Variants in C10orf143 observed in about 807,000 individuals in gnomAD.
The protein encoded by C10orf143 is uncharacterized protein C10orf143.
chr10:130,048,776 C>T (rs1014409550), intron 3 of C10orf143, among the ~76,000 whole-genome samples: 1 of 152,148 alleles, frequency 6.6e-6, no homozygotes, highest in Non-Finnish European at 1.5e-5. Flanking sequence ...AACCATGGCT[C>T]ACTGTCATCT....
chr10:130,046,785 T>A (rs1860679922), intron 3 of C10orf143, among the ~76,000 whole-genome samples: 1 of 152,060 alleles, frequency 6.6e-6, no homozygotes, highest in African/African-American at 2.4e-5. Context: ...CACGCGGAGG[T>A]TCATTTAATC....
chr10:130,054,268 ACAGT>A, intron 3 of C10orf143, among the ~76,000 whole-genome samples: 1 of 152,266 alleles, frequency 6.6e-6, no homozygotes, highest in East Asian at 1.9e-4. Flanking sequence ...AGTGAATCAC[ACAGT>A]ATGTTTTTTC....
chr10:130,099,557 GAC>G (rs915650270), intron 1 of C10orf143, among the ~76,000 whole-genome samples: 2 of 147,672 alleles, frequency 1.4e-5, no homozygotes, highest in South Asian at 2.1e-4. Context: ...TTTATTTTGA[GAC>G]ACAGTCTCAC....
chr10:130,086,466 T>C (rs1462658502), intron 1 of C10orf143, among the ~76,000 whole-genome samples: 1 of 152,254 alleles, frequency 6.6e-6, no homozygotes, highest in Non-Finnish European at 1.5e-5. Flanking sequence ...CTTAGGACTT[T>C]TGCAAATAAT....
intron 3 of C10orf143, among the ~76,000 whole-genome samples, chr10:130,039,246 A>T (rs1437985560): frequency 6.6e-6 from 1 of 152,164 alleles, no homozygotes; most frequent in Non-Finnish European, 1.5e-5. Context: ...ATGATTTCTT[A>T]TGGGGTCGGC....
chr10:130,037,087 T>C lies in C10orf143; in HGVS notation c.298-1117A>G, dbSNP rs572955044. On this transcript the variant is annotated intron_variant and NMD_transcript_variant, in intron 3 of 5. Transcript: ENST00000643056. ...CAGAATTGGACTATTTTGGAAAGCT[T>C]GGCCTCAATGGCATTTTAAAGTGCA... Among the ~76,000 whole-genome samples, 7 of 152,224 alleles carry C rather than the reference T, an allele frequency of 4.6e-5. No homozygotes were observed. The East Asian group carries it at 1.2e-3, about 25-fold the overall frequency.
chr10:130,098,182 G>A (rs2134801182), intron 1 of C10orf143, among the ~76,000 whole-genome samples: 1 of 152,170 alleles, frequency 6.6e-6, no homozygotes, highest in Non-Finnish European at 1.5e-5. Context: ...AATCAGCTGG[G>A]CATGGTGGCA....
chr10:130,097,025 A>T (rs553906030), intron 1 of C10orf143, among the ~76,000 whole-genome samples: 20 of 150,326 alleles, frequency 1.3e-4, no homozygotes, highest in African/African-American at 4.6e-4. Context: ...CAGTGGCGTG[A>T]TCTCAGCTCA....
chr10:130,055,329 G>A (rs1298501024), intron 3 of C10orf143, among the ~76,000 whole-genome samples: 1 of 152,132 alleles, frequency 6.6e-6, no homozygotes, highest in Non-Finnish European at 1.5e-5. Context: ...CCTACAGAAT[G>A]GGAGAAAATA....
At chr10:130,043,450 T>TG (rs1860629935) in intron 3 of C10orf143, among the ~76,000 whole-genome samples, 1 of 152,120 alleles carries the variant, frequency 6.6e-6, no homozygotes, top group Non-Finnish European at 1.5e-5. Context: ...GACGGGCAGG[T>TG]GGGAAAAAGC....
chr10:130,077,162 G>A (rs1001663298), intron 3 of C10orf143, among the ~76,000 whole-genome samples: 5 of 152,100 alleles, frequency 3.3e-5, no homozygotes, highest in African/African-American at 7.2e-5. Context: ...GCCAGAATGA[G>A]TCAACAGAAA....
chr10:130,062,754 A>T (rs1860870481), downstream of C10orf143, among the ~76,000 whole-genome samples: 1 of 152,052 alleles, frequency 6.6e-6, no homozygotes, highest in Non-Finnish European at 1.5e-5. Flanking sequence ...TCACATATAC[A>T]CTTATCCTAT....
intron 1 of C10orf143, chr10:130,108,162 C>T (rs1242181985): frequency 1.9e-6 from 3 of 1,577,100 alleles, no homozygotes; most frequent in East Asian, 2.2e-5. Flanking sequence ...CCAGTGGATA[C>T]AAGGGGCCCG....
chr10:130,057,856 T>G (rs1380986454), intron 3 of C10orf143, among the ~76,000 whole-genome samples: 1 of 152,220 alleles, frequency 6.6e-6, no homozygotes, highest in Non-Finnish European at 1.5e-5. Context: ...CTGTTGTTAT[T>G]CTCATTTCAG....
intron 1 of C10orf143, among the ~76,000 whole-genome samples, chr10:130,091,240 G>A (rs1308876033): frequency 6.6e-6 from 1 of 152,180 alleles, no homozygotes; most frequent in South Asian, 2.1e-4. Context: ...AGCAATCTTT[G>A]GTGTTCTGCA....
chr10:130,076,684 C>G (rs770924457), intron 3 of C10orf143, among the ~76,000 whole-genome samples: 1 of 152,146 alleles, frequency 6.6e-6, no homozygotes, highest in Non-Finnish European at 1.5e-5. Context: ...TTTTGGAGAC[C>G]TCTGGCAGAC....
At chr10:130,069,858 CTT>C (rs35594121) in intron 3 of C10orf143, among the ~76,000 whole-genome samples, 3 of 150,036 alleles carry the variant, frequency 2.0e-5, no homozygotes, top group Admixed American at 6.6e-5. Flanking sequence ...TCCATTGTTT[CTT>C]TTTTTTTTTC....
intron 1 of C10orf143, among the ~76,000 whole-genome samples, chr10:130,090,679 G>A (rs1327292376): frequency 6.6e-6 from 1 of 152,138 alleles, no homozygotes; most frequent in Non-Finnish European, 1.5e-5. Flanking sequence ...AATTCTCACT[G>A]CCAGCACAGC....
intron 1 of C10orf143, among the ~76,000 whole-genome samples, chr10:130,096,033 C>T (rs1346426656): frequency 1.3e-5 from 2 of 152,064 alleles, no homozygotes; most frequent in Non-Finnish European, 2.9e-5. Flanking sequence ...AAAATTTTTG[C>T]AATCTCTCCA....
Sources: gnomAD v4.1 joint callset for allele counts (sites outside exome capture counted in the v4.1 genomes callset) on GRCh38, gnomAD v4.1.1 for gene constraint, MANE v1.5 for transcripts, NCBI Gene and HGNC (gene_info 2026-07-23, HGNC 2026-07-21) for gene names.